The following MICA variants were observed in gnomAD, a reference collection of about 807,000 sequenced individuals.
MICA encodes HLA class I antigen.
A neutral mutation model predicts 34.3 loss-of-function variants in MICA; 18 were observed. The ratio of observed to expected loss-of-function variants is 0.52; its 90% CI spans 0.36 to 0.78. The LOEUF is 0.78. Ranked by LOEUF, MICA falls within the 30% of genes least tolerant of loss-of-function variation. The pLI is 0.00. For missense variants in MICA, 333 were observed against 409.4 expected, an observed-to-expected ratio of 0.81 and a Z score of 1.61; for synonymous variants, 135 against 156.9, an observed-to-expected ratio of 0.86 and a Z score of 1.04.
chr6:31,412,347 T>G lies in MICA; in HGVS notation c.915T>G (p.Ser305Arg). The part of the protein sequence containing the change: ...VPSGKVLVLQ[S>R]HWQTFHVSAV... ...CAGGGAAAGTGCTGGTGCTTCAGAG[T>G]CATTGGCAGACATTCCATGTTTCTG... Residue 305 changes from serine (S) to arginine (R), a missense_variant, in exon 5 of 6, where the codon AGT (serine) becomes AGG (arginine). Transcript: ENST00000449934. The G allele has an allele frequency of 6.3e-7, 1 of 1,596,208 alleles. No homozygotes were observed. Among genetic ancestry groups the G allele is most frequent in the East Asian group, 2.3e-5 (1 of 44,144 alleles).
intron 1 of MICA, among the ~76,000 whole-genome samples, chr6:31,410,056 A>G (rs893239008): frequency 6.7e-6 from 1 of 150,116 alleles, no homozygotes; most frequent in Non-Finnish European, 1.5e-5. Context: ...CCTCATGACC[A>G]CCCCCTCCCT....
intron 1 of MICA, among the ~76,000 whole-genome samples, chr6:31,406,599 C>T (rs1409190417): frequency 6.6e-6 from 1 of 151,752 alleles, no homozygotes; most frequent in Non-Finnish European, 1.5e-5. Flanking sequence ...GTTACCTGTG[C>T]TTGTGGGGTA....
At chr6:31,412,270 C>G (rs1414782654) in intron 4 of MICA, 45 bp downstream of exon 4, 1 of 1,606,224 alleles carries the variant, frequency 6.2e-7, no homozygotes, top group South Asian at 1.1e-5. Flanking sequence ...AGGGTAGGGA[C>G]AGCAGGGATG....
chr6:31,406,424 T>C (rs1459895696), intron 1 of MICA, among the ~76,000 whole-genome samples: 11 of 151,816 alleles, frequency 7.2e-5, no homozygotes, highest in Admixed American at 2.6e-4. Context: ...TTTCCTATAG[T>C]TGTTCGAGCT....
At chr6:31,410,461 T>C (rs17200123) in intron 1 of MICA, 82 bp from the exon 2 acceptor site, 152 of 1,528,524 alleles carry the variant, frequency 9.9e-5, no homozygotes, top group Non-Finnish European at 1.2e-4. Context: ...CCAGGAAGGT[T>C]GGGACAGCAG....
rs1214942150 is a variant in MICA at position 31,411,376 on chromosome 6, G to T, written c.613+17G>T. The T allele has an allele frequency of 5.8e-6, 9 of 1,542,430 alleles. No homozygotes were observed. Among genetic ancestry groups the T allele is most frequent in the Non-Finnish European group, 7.9e-6 (9 of 1,142,568 alleles). On this transcript the variant is annotated intron_variant, in intron 3 of 5. Coordinates refer to ENST00000449934, the MANE Select transcript of MICA (RefSeq NM_001177519.3). The surrounding 1 kb of genome is among the most constrained non-coding windows in gnomAD (Gnocchi z 4.3). ...GGAGAACAGGTACCGACGCTGGCCAGGGGCTCTCCTCTCCCTCCAATTCTG... is the reference window on the plus strand; with the variant it reads ...GGAGAACAGGTACCGACGCTGGCCATGGGCTCTCCTCTCCCTCCAATTCTG...
chr6:31,404,545 A>T (rs1390344031), intron 1 of MICA, among the ~76,000 whole-genome samples: 1 of 151,680 alleles, frequency 6.6e-6, no homozygotes, highest in Non-Finnish European at 1.5e-5. Context: ...CCGCCACCGA[A>T]GGTCCCTCCT....
upstream of MICA, chr6:31,403,553 C>G (rs564536197): frequency 3.5e-4 from 419 of 1,183,308 alleles, 9 homozygotes; most frequent in East Asian, 0.012. The surrounding 1 kb of genome is among the most constrained non-coding windows in gnomAD (Gnocchi z 4.7). Context: ...GTCGGGGGAC[C>G]GGGCCAGGTG....
chr6:31,412,263 G>A, intron 4 of MICA, 38 bp downstream of exon 4: 3 of 1,606,670 alleles, frequency 1.9e-6, no homozygotes, highest in Middle Eastern at 1.7e-4. Flanking sequence ...TCAGGCCAGG[G>A]TAGGGACAGC....
upstream of MICA, among the ~76,000 whole-genome samples, chr6:31,401,172 A>G (rs78603772): frequency 9.8e-5 from 14 of 142,206 alleles, 1 homozygote; most frequent in Admixed American, 7.4e-4. Flanking sequence ...CAGGAGAGCT[A>G]GGTCCATCTC....
At chr6:31,406,409 T>TA (rs1770753052) in intron 1 of MICA, among the ~76,000 whole-genome samples, 1 of 54,468 alleles carries the variant, frequency 1.8e-5, no homozygotes, top group Admixed American at 2.5e-4. Flanking sequence ...GATTATTATA[T>TA]TTTTTTTCCT....
At chr6:31,410,451 C>A in intron 1 of MICA, 92 bp from the exon 2 acceptor site, 1 of 1,496,960 alleles carries the variant, frequency 6.7e-7, no homozygotes, top group Non-Finnish European at 9.0e-7. Flanking sequence ...ATTTCCTGCC[C>A]CAGGAAGGTT....
rs1131904 is a variant in MICA at position 31,415,294 on chromosome 6, A to G, written c.*312A>G. 0.27 allele frequency: 129,565 copies of G among 473,166 alleles called. 19,497 individuals carry two copies. The highest frequency in any genetic ancestry group is 0.39 in the African/African-American group (19,175 of 49,046). The allele number at this position is 473,166 out of a possible 1,614,324, so 29.3% of individuals were successfully genotyped here. A position where few individuals can be genotyped will look rare whatever the true frequency, so the allele number is the denominator to read the frequency against. Reference sequence around the variant, plus strand: ...TGCAAAATGTTAGTAGATATGAGGCATTTGCAGCTGTGCCATATTAATTGG... The same window carrying G: ...TGCAAAATGTTAGTAGATATGAGGCGTTTGCAGCTGTGCCATATTAATTGG... On this transcript the variant is annotated 3_prime_UTR_variant, in exon 6 of 6. Coordinates refer to ENST00000449934, the MANE Select transcript of MICA (RefSeq NM_001177519.3).
Position 31,403,736 on chromosome 6 carries a change from G to C in MICA, c.70+34G>C, listed in dbSNP as rs1260334234. 6.6e-7 allele frequency: 1 copy of C among 1,521,116 alleles called. No individual in the cohort carries two copies. The highest frequency in any genetic ancestry group is 8.8e-7 in the Non-Finnish European group (1 of 1,136,688). The allele number at this position is 1,521,116 out of a possible 1,614,324, so 94.2% of individuals were successfully genotyped here. On this transcript the variant is annotated intron_variant, in intron 1 of 5. Transcript: ENST00000449934. This position sits in a 1 kb window ranked among gnomAD's most constrained non-coding sequence, Gnocchi z 4.7. ...CGTTCCTGGCGGTCCTCGGCGGAGC[G>C]GGAGCAGTGGGACGTTTCCGGGGGT...
At chr6:31,409,690 A>G (rs1442452854) in intron 1 of MICA, among the ~76,000 whole-genome samples, 4 of 151,846 alleles carry the variant, frequency 2.6e-5, no homozygotes, top group Admixed American at 6.6e-5. Flanking sequence ...GTCAAATCCT[A>G]TGTCATGAAC....
rs1140700 is a variant in MICA at position 31,412,040 on chromosome 6, T to A, written c.707T>A (p.Ile236Lys). The change falls in exon 4 of 6, where the codon ATA becomes AAA. Residue 236 changes from isoleucine (I) to lysine (K), a missense_variant. Coordinates refer to ENST00000449934, the MANE Select transcript of MICA (RefSeq NM_001177519.3). ...RASSFYPRNI[I>K]LTWRQDGVSL... ...TCCAGCTTCTATCCCCGGAATATCA[T>A]ACTGACCTGGCGTCAGGATGGGGTA... is the stretch of plus-strand genomic sequence containing the variant. The A allele has an allele frequency of 2.5e-6, 4 of 1,611,542 alleles. No individual in the cohort carries two copies. In the African/African-American group the frequency reaches 5.4e-5, roughly 22 times the overall value.
chr6:31,412,585 G>A (rs1562248269), intron 5 of MICA, 125 bp downstream of exon 5: 1 of 685,168 alleles, frequency 1.5e-6, no homozygotes, highest in Non-Finnish European at 2.5e-6. Context: ...TGAAAGTTGG[G>A]GAATTTGGGA....
At chr6:31,412,627 C>T (rs112253087) in intron 5 of MICA, among the ~76,000 whole-genome samples, 167 bp downstream of exon 5, 8,313 of 151,818 alleles carry the variant, frequency 0.055, 305 homozygotes, top group Middle Eastern at 0.1. Context: ...CATCTACACC[C>T]ATAAGTGCTG....
chr6:31,411,342 T>C lies in MICA; in HGVS notation c.596T>C (p.Val199Ala), dbSNP rs530334547. ...CTACGGCGATATCTAGAATCCGGCG[T>C]AGTCCTGAGGAGAACAGGTACCGAC... ...QELRRYLESG[V>A]VLRRTVPPMV... Residue 199 changes from valine to alanine, a missense_variant, in exon 3 of 6, where the codon GTA (valine) becomes GCA (alanine). Val to Ala is a moderately conservative substitution (Grantham distance 64). Coordinates refer to ENST00000449934, the MANE Select transcript of MICA (RefSeq NM_001177519.3). The surrounding 1 kb of genome is among the most constrained non-coding windows in gnomAD (Gnocchi z 4.3). 6.9e-5 allele frequency: 108 copies of C among 1,571,610 alleles called. No homozygotes were observed. Among genetic ancestry groups the C allele is most frequent in the Admixed American group, 3.8e-4 (20 of 52,528 alleles).
Sources: gnomAD v4.1 joint callset for allele counts (sites outside exome capture counted in the v4.1 genomes callset) on GRCh38, gnomAD v4.1.1 for gene constraint, Gnocchi (gnomAD v3.1) non-coding constraint, MANE v1.5 for transcripts, NCBI Gene and HGNC (gene_info 2026-07-23, HGNC 2026-07-21) for gene names.